Variants in C19orf47 observed in about 807,000 individuals in gnomAD.
The protein encoded by C19orf47 is uncharacterized protein C19orf47.
In C19orf47, 18 loss-of-function variants were observed where a neutral mutation model predicts 32.3. The observed-to-expected ratio is 0.56, with a 90% CI of 0.39 to 0.83. C19orf47 has a LOEUF of 0.83. C19orf47 is among the 40% of genes least tolerant of loss of function. The probability of loss-of-function intolerance (pLI) is 0.00; values close to 1 mark genes in which losing one functional copy is unlikely to be tolerated. For synonymous variants in C19orf47, 202 were observed against 211.1 expected, an observed-to-expected ratio of 0.96 and a Z score of 0.37; for missense variants, 484 against 531.6, an observed-to-expected ratio of 0.91 and a Z score of 0.88.
chr19:40,316,900 A>G (rs957044403), downstream of C19orf47, among the ~76,000 whole-genome samples: 7 of 152,064 alleles, frequency 4.6e-5, no homozygotes, highest in Non-Finnish European at 1.0e-4. Flanking sequence ...AAATTAGACT[A>G]CTAAGACACG....
chr19:40,345,803 T>C (rs1417677564), intron 1 of C19orf47, among the ~76,000 whole-genome samples: 1 of 134,964 alleles, frequency 7.4e-6, no homozygotes, highest in Non-Finnish European at 1.5e-5. Context: ...GAGCCAAGAT[T>C]ACGCCACTTC....
intron 5 of C19orf47, among the ~76,000 whole-genome samples, chr19:40,330,453 G>A (rs778180397): frequency 6.6e-6 from 1 of 150,440 alleles, no homozygotes; most frequent in Non-Finnish European, 1.5e-5. Flanking sequence ...GGATGGTCTC[G>A]ATCTCTCGAG....
chr19:40,308,913 T>C, the C19orf47 span, among the ~76,000 whole-genome samples: 1 of 152,132 alleles, frequency 6.6e-6, no homozygotes, highest in South Asian at 2.1e-4. Flanking sequence ...CTACAAAAAA[T>C]TAAAAAATTA....
chr19:40,348,356 C>T lies in C19orf47; in HGVS notation c.-66G>A, dbSNP rs1294291032. On this transcript the variant is annotated 5_prime_UTR_variant, in exon 1 of 9. Transcript: ENST00000683109. ...ACCGGGCCCGCGCCCACTCGCGCCG[C>T]CCGCCCTCCCTCCCGGCGGCGCCAA... 4.4e-5 allele frequency: 61 copies of T among 1,390,830 alleles called. No individual in the cohort carries two copies. Among genetic ancestry groups the T allele is most frequent in the Non-Finnish European group, 5.2e-5 (56 of 1,072,388 alleles). 86.2% of individuals were successfully genotyped at this position (1,390,830 alleles called of 1,614,324 possible).
intron 2 of C19orf47, among the ~76,000 whole-genome samples, chr19:40,340,896 T>C (rs1311232293): frequency 6.7e-6 from 1 of 148,374 alleles, no homozygotes; most frequent in Non-Finnish European, 1.5e-5. Context: ...GAGGATCACC[T>C]GAGCCTGGGA....
intron 2 of C19orf47, among the ~76,000 whole-genome samples, chr19:40,337,996 G>A (rs2078099364): frequency 6.6e-6 from 1 of 152,188 alleles, no homozygotes; most frequent in Non-Finnish European, 1.5e-5. Flanking sequence ...TGTATATGAA[G>A]TGTCTAGAAC....
the C19orf47 span, among the ~76,000 whole-genome samples, chr19:40,293,252 T>C: frequency 6.6e-6 from 1 of 151,404 alleles, no homozygotes; most frequent in African/African-American, 2.4e-5. Context: ...GCAATTCTCC[T>C]GCCTCAGCCT....
At chr19:40,292,980 ACCT>A in the C19orf47 span, among the ~76,000 whole-genome samples, 1 of 150,970 alleles carries the variant, frequency 6.6e-6, no homozygotes, top group East Asian at 1.9e-4. Context: ...TTCACCATAC[ACCT>A]CCTCCCTGCA....
In C19orf47 at chr19:40,322,176, A is replaced by G; in HGVS notation, c.864T>C (p.Ala288=). The G allele has an allele frequency of 6.2e-7, 1 of 1,612,352 alleles. No homozygotes were observed. Among genetic ancestry groups the G allele is most frequent in the Non-Finnish European group, 8.5e-7 (1 of 1,179,782 alleles). The part of the protein sequence containing the change: ...AKATSSATTA[A]APTLRRLALS... ...GCGCCAGGCGCCGCAGTGTCGGGGC[A>G]GCAGCCGTTGTCGCTGAGCTTGTGG... The change falls in exon 9 of 9, where the codon GCT becomes GCC. Residue 288 remains alanine, a synonymous_variant. Transcript: ENST00000683109.
the C19orf47 span, among the ~76,000 whole-genome samples, chr19:40,313,887 C>A: frequency 6.6e-6 from 1 of 151,120 alleles, no homozygotes; most frequent in Non-Finnish European, 1.5e-5. Flanking sequence ...AGTGAGATTA[C>A]ACCACTGCAC....
chr19:40,335,057 G>A (rs374817851), intron 4 of C19orf47, among the ~76,000 whole-genome samples: 1 of 138,220 alleles, frequency 7.2e-6, no homozygotes, highest in Non-Finnish European at 1.6e-5. Context: ...AGGGAGGGAG[G>A]GAGGAAGGGA....
chr19:40,333,943 ACAGG>A lies in C19orf47; in HGVS notation c.223-18_223-15del. The A allele has an allele frequency of 6.4e-7, 1 of 1,552,244 alleles. No individual in the cohort carries two copies. Among genetic ancestry groups the A allele is most frequent in the East Asian group, 2.4e-5 (1 of 41,962 alleles). On this transcript the variant is annotated splice_polypyrimidine_tract_variant and intron_variant, in intron 4 of 8. Coordinates refer to ENST00000683109, the MANE Select transcript of C19orf47 (RefSeq NM_001256441.2). Reference sequence around the variant, plus strand: ...TTTGCACATGTCCTGTGAAAAAAGAACAGGCACCTGGGTCACCACAGAAGAATCA... The same window carrying A: ...TTTGCACATGTCCTGTGAAAAAAGAACACCTGGGTCACCACAGAAGAATCA...
intron 2 of C19orf47, among the ~76,000 whole-genome samples, chr19:40,339,711 C>A (rs2078137714): frequency 6.6e-6 from 1 of 152,040 alleles, no homozygotes; most frequent in South Asian, 2.1e-4. Context: ...GTGGCTTACA[C>A]CTGTAATCCC....
In C19orf47 at chr19:40,322,340, C is replaced by T. The variant is rs1291740185; in HGVS notation, c.700G>A (p.Glu234Lys). The change falls in exon 9 of 9, where the codon GAA becomes AAA. Residue 234 changes from glutamate (E) to lysine (K), a missense_variant. Glu to Lys is a moderately conservative substitution (Grantham distance 56). Transcript: ENST00000683109. ...GVFSRLGATP[E>K]TDEDLAWDSD... ...TCCCAAGCCAGATCCTCGTCCGTTT[C>T]TGGGGTGGCCCCCAGGCGGCTGAAG... 1 of 1,599,402 alleles carries T rather than the reference C, an allele frequency of 6.3e-7. No individual in the cohort carries two copies. Among genetic ancestry groups the T allele is most frequent in the Non-Finnish European group, 8.5e-7 (1 of 1,171,104 alleles).
At chr19:40,306,791 AT>A in the C19orf47 span, among the ~76,000 whole-genome samples, 43 of 140,008 alleles carry the variant, frequency 3.1e-4, no homozygotes, top group African/African-American at 4.5e-4. Flanking sequence ...TGTCATTAAA[AT>A]TTTTTTTTTT....
chr19:40,328,844 G>A (rs562922258), intron 5 of C19orf47, among the ~76,000 whole-genome samples: 2 of 152,184 alleles, frequency 1.3e-5, no homozygotes, highest in African/African-American at 4.8e-5. Context: ...TGCTGAGTTC[G>A]CTTCGCCCCT....
the C19orf47 span, among the ~76,000 whole-genome samples, chr19:40,300,145 G>A: frequency 1.3e-5 from 2 of 152,178 alleles, no homozygotes; most frequent in South Asian, 4.1e-4. Flanking sequence ...GGTAGGAGGT[G>A]ATGAGGGTGA....
At chr19:40,294,798 C>T in the C19orf47 span, among the ~76,000 whole-genome samples, 2 of 152,200 alleles carry the variant, frequency 1.3e-5, no homozygotes, top group African/African-American at 2.4e-5. Context: ...CAGTGACAAG[C>T]GGCATTCTCT....
At chr19:40,296,611 G>A in the C19orf47 span, among the ~76,000 whole-genome samples, 3 of 152,016 alleles carry the variant, frequency 2.0e-5, no homozygotes, top group South Asian at 6.2e-4. Context: ...CATAGAAAAG[G>A]TACAATAAAA....
Sources: gnomAD v4.1 joint callset for allele counts (sites outside exome capture counted in the v4.1 genomes callset) on GRCh38, gnomAD v4.1.1 for gene constraint, MANE v1.5 for transcripts, NCBI Gene and HGNC (gene_info 2026-07-23, HGNC 2026-07-21) for gene names.